The following LAMC1 variants were observed in gnomAD, a reference collection of about 807,000 sequenced individuals.
The protein encoded by LAMC1 is laminin subunit gamma 1.
A neutral mutation model predicts 173.6 loss-of-function variants in LAMC1; 38 were observed. That is an observed-to-expected ratio of 0.22 (90% CI 0.17 to 0.29). The LOEUF (loss-of-function observed/expected upper bound fraction) is 0.29, where lower values mean the gene tolerates loss of function less well. LAMC1 is among the 10% of genes least tolerant of loss of function. LAMC1 has a pLI of 1.00. For missense variants in LAMC1, 1,824 were observed against 2,051.8 expected (o/e 0.89, Z 2.14); for synonymous variants, 746 against 749.1 (o/e 1.00, Z 0.07).
chr1:183,060,951 T>C (rs564274271), intron 1 of LAMC1, among the ~76,000 whole-genome samples: 3 of 152,142 alleles, frequency 2.0e-5, no homozygotes, highest in African/African-American at 4.8e-5. Context: ...AGCTGACCAA[T>C]TGAGATGTGT....
At chr1:183,061,220 A>T (rs1654738284) in intron 1 of LAMC1, among the ~76,000 whole-genome samples, 1 of 151,898 alleles carries the variant, frequency 6.6e-6, no homozygotes, top group African/African-American at 2.4e-5. Flanking sequence ...CAGCCCCCAT[A>T]CTCCCTTCAA....
chr1:183,102,602 C>T (rs929114636), intron 1 of LAMC1, among the ~76,000 whole-genome samples: 1 of 152,210 alleles, frequency 6.6e-6, no homozygotes, highest in Non-Finnish European at 1.5e-5. Context: ...GAACTGTCTG[C>T]CCCAGTGACT....
chr1:183,095,500 G>T (rs759602218), intron 1 of LAMC1, among the ~76,000 whole-genome samples: 9 of 152,108 alleles, frequency 5.9e-5, no homozygotes, highest in Non-Finnish European at 7.4e-5. Context: ...GGCTTATGTA[G>T]CTTATATTTA....
At chr1:183,072,166 C>T (rs1247321884) in intron 1 of LAMC1, among the ~76,000 whole-genome samples, 1 of 152,168 alleles carries the variant, frequency 6.6e-6, no homozygotes, top group Non-Finnish European at 1.5e-5. Flanking sequence ...GGTAGTTTGA[C>T]TTTCTGAATT....
intron 1 of LAMC1, among the ~76,000 whole-genome samples, chr1:183,057,151 A>G (rs1188847978): frequency 6.6e-6 from 1 of 152,208 alleles, no homozygotes; most frequent in Non-Finnish European, 1.5e-5. Context: ...CCCCACAAGA[A>G]CTAAAAGGAA....
intron 1 of LAMC1, among the ~76,000 whole-genome samples, chr1:183,031,449 CAT>C (rs1487187033): frequency 6.6e-6 from 1 of 152,166 alleles, no homozygotes; most frequent in Non-Finnish European, 1.5e-5. Context: ...GGATTACAGA[CAT>C]GTGCCACCAC....
intron 1 of LAMC1, among the ~76,000 whole-genome samples, chr1:183,040,652 G>A (rs1654106227): frequency 6.6e-6 from 1 of 152,248 alleles, no homozygotes; most frequent in Non-Finnish European, 1.5e-5. Flanking sequence ...AAAGGCTGGA[G>A]CAGCTCATCT....
At chr1:183,130,669 T>C in intron 19 of LAMC1, 120 bp downstream of exon 19, 1 of 742,826 alleles carries the variant, frequency 1.3e-6, no homozygotes, top group Non-Finnish European at 2.2e-6. Context: ...TTTTTATTTG[T>C]CCCTAAATAT....
chr1:183,085,717 C>G (rs184005980), intron 1 of LAMC1, among the ~76,000 whole-genome samples: 2 of 151,922 alleles, frequency 1.3e-5, no homozygotes, highest in African/African-American at 2.4e-5. Flanking sequence ...TTATAGGCTC[C>G]GTTACTGTAG....
chr1:183,081,609 T>G (rs148003848), intron 1 of LAMC1, among the ~76,000 whole-genome samples: 1 of 151,816 alleles, frequency 6.6e-6, no homozygotes, highest in African/African-American at 2.4e-5. Context: ...AATAAATCTT[T>G]AGAGTGTTTT....
At chr1:183,112,541 A>G (rs1286851218) in intron 4 of LAMC1, among the ~76,000 whole-genome samples, 1 of 152,152 alleles carries the variant, frequency 6.6e-6, no homozygotes, top group Non-Finnish European at 1.5e-5. Flanking sequence ...GGATGTTGTG[A>G]CAATACTACA....
intron 1 of LAMC1, among the ~76,000 whole-genome samples, chr1:183,058,820 A>G (rs1654667260): frequency 6.6e-6 from 1 of 152,198 alleles, no homozygotes; most frequent in South Asian, 2.1e-4. Context: ...AATGGGGTAG[A>G]AAAAAATTCA....
intron 2 of LAMC1, among the ~76,000 whole-genome samples, chr1:183,104,767 G>A (rs778699676): frequency 1.3e-5 from 2 of 152,174 alleles, no homozygotes; most frequent in African/African-American, 2.4e-5. Context: ...AAGTTGCTGG[G>A]AAAGCATGAA....
rs767626277 is a variant in LAMC1 at position 183,114,684 on chromosome 1, A to G, written c.1175A>G (p.Asn392Ser). The G allele has an allele frequency of 5.6e-6, 9 of 1,614,232 alleles. No individual in the cohort carries two copies. The highest frequency in any genetic ancestry group is 1.7e-5 in the Admixed American group (1 of 60,028). Residue 392 changes from asparagine to serine, a missense_variant, in exon 5 of 28, where the codon AAT (asparagine) becomes AGT (serine). Asn to Ser is a conservative substitution (Grantham distance 46). Transcript: ENST00000258341. Reference sequence around the variant, plus strand: ...GAGAACTTCTTCCGCCTTGGCAACAATGAAGCCTGCTCTTCATGCCACTGT... The same window carrying G: ...GAGAACTTCTTCCGCCTTGGCAACAGTGAAGCCTGCTCTTCATGCCACTGT... ...CRENFFRLGN[N>S]EACSSCHCSP...
At chr1:183,103,242 G>C (rs533174353) in intron 1 of LAMC1, 86 bp from the exon 2 acceptor site, 1 of 1,258,386 alleles carries the variant, frequency 7.9e-7, no homozygotes, top group East Asian at 2.3e-5. Context: ...TATATCCTTT[G>C]TCAAGTTCCA....
At chr1:183,028,649 G>A (rs565685906) in intron 1 of LAMC1, among the ~76,000 whole-genome samples, 123 of 152,308 alleles carry the variant, frequency 8.1e-4, no homozygotes, top group Non-Finnish European at 1.4e-3. Context: ...TCGAAAGAAA[G>A]TCTACTTTAT....
At chr1:183,110,359 AT>A (rs1656108907) in intron 3 of LAMC1, 128 bp from the exon 4 acceptor site, 1 of 649,880 alleles carries the variant, frequency 1.5e-6, no homozygotes, top group African/African-American at 1.9e-5. Context: ...CCATTACTTA[AT>A]CTTGCTCAGT....
At position 183,075,685 on chromosome 1, in the gene LAMC1, C is replaced by T. The variant is rs73051766; in HGVS notation, c.419-27643C>T. Among the ~76,000 whole-genome samples the T allele has an allele frequency of 9.2e-3, 1,396 of 152,230 alleles. 15 individuals are homozygous for T. Among genetic ancestry groups the T allele is most frequent in the African/African-American group, 0.032 (1,331 of 41,542 alleles). On this transcript the variant is annotated intron_variant, in intron 1 of 27. Transcript: ENST00000258341. ...CACATCTCAAGGGACCTCTTGTTTA[C>T]TCATTTTGGATACTGATGATCCAGA...
intron 1 of LAMC1, among the ~76,000 whole-genome samples, chr1:183,063,049 T>G (rs1192510134): frequency 6.6e-6 from 1 of 152,074 alleles, no homozygotes; most frequent in Non-Finnish European, 1.5e-5. Flanking sequence ...AGGAAGGGAG[T>G]TAGTGAATGC....
Sources: allele counts gnomAD v4.1 joint callset (sites outside exome capture counted in the v4.1 genomes callset), GRCh38; gene constraint gnomAD v4.1.1; transcripts MANE v1.5; gene names NCBI Gene and HGNC (gene_info 2026-07-23, HGNC 2026-07-21).